GOLPH3: variants seen among roughly 807,000 people sequenced by gnomAD.
GOLPH3 encodes coat protein GPP34.
A neutral mutation model predicts 28.5 loss-of-function variants in GOLPH3; 14 were observed. The ratio of observed to expected loss-of-function variants is 0.49; its 90% CI spans 0.32 to 0.77. The LOEUF (loss-of-function observed/expected upper bound fraction) is 0.77, where lower values mean the gene tolerates loss of function less well. Among genes scored for constraint, GOLPH3 ranks in the 30% least tolerant of loss-of-function variants. The pLI is 0.03. For missense variants in GOLPH3, 350 were observed against 393.7 expected (o/e 0.89, Z 0.94); for synonymous variants, 158 against 159.2 (o/e 0.99, Z 0.06).
At chr5:32,135,523 G>C in intron 3 of GOLPH3, 49 bp downstream of exon 3, 3 of 1,132,036 alleles carry the variant, frequency 2.7e-6, no homozygotes, top group Non-Finnish European at 4.0e-6. Context: ...TTTAAACTTC[G>C]CAATCTTTTA....
At chr5:32,142,743 T>G in intron 2 of GOLPH3, among the ~76,000 whole-genome samples, 1 of 135,424 alleles carries the variant, frequency 7.4e-6, no homozygotes, top group East Asian at 2.3e-4. Flanking sequence ...GTCCGGGAGG[T>G]GAGGGGCGCC....
intron 2 of GOLPH3, among the ~76,000 whole-genome samples, chr5:32,142,986 A>G (rs1746112853): frequency 6.6e-6 from 1 of 152,170 alleles, no homozygotes; most frequent in Admixed American, 6.5e-5. Context: ...CATGATGACA[A>G]GGGCGGTTTT....
At chr5:32,160,793 C>A (rs1973195) in intron 1 of GOLPH3, among the ~76,000 whole-genome samples, 125,633 of 151,904 alleles carry the variant, frequency 0.83, 54,725 homozygotes, top group South Asian at 0.96. Context: ...ATGGGCCAGG[C>A]GCGGTGGCTC....
chr5:32,150,344 T>A (rs1284978972), intron 1 of GOLPH3, among the ~76,000 whole-genome samples: 2 of 150,064 alleles, frequency 1.3e-5, no homozygotes, highest in Non-Finnish European at 3.0e-5. Context: ...CTTCCTAAGT[T>A]AATAAATGTA....
At chr5:32,152,804 CA>C (rs371434993) in intron 1 of GOLPH3, among the ~76,000 whole-genome samples, 16 of 143,014 alleles carry the variant, frequency 1.1e-4, no homozygotes, top group African/African-American at 1.3e-4. Context: ...AAAACAAAAA[CA>C]AAAAAAAAAC....
chr5:32,135,536 C>T lies in GOLPH3; in HGVS notation c.472+36G>A, dbSNP rs373698680. The T allele has an allele frequency of 3.2e-6, 4 of 1,237,690 alleles. No individual in the cohort carries two copies. In the African/African-American group the frequency reaches 4.5e-5, roughly 14 times the overall value. The allele number at this position is 1,237,690 out of a possible 1,614,324, so 76.7% of individuals were successfully genotyped here. On this transcript the variant is annotated intron_variant, in intron 3 of 3. Transcript: ENST00000265070. Reference sequence around the variant, plus strand: ...GATTTAAACTTCGCAATCTTTTAAACAGAAGTTGGTTTTTGGTTTATTCAC... The same window carrying T: ...GATTTAAACTTCGCAATCTTTTAAATAGAAGTTGGTTTTTGGTTTATTCAC...
chr5:32,165,675 A>G (rs551367757), intron 1 of GOLPH3, among the ~76,000 whole-genome samples: 1 of 152,356 alleles, frequency 6.6e-6, no homozygotes, highest in Admixed American at 6.5e-5. Flanking sequence ...AAATGAATGA[A>G]CTTGAAGACA....
At chr5:32,141,162 C>CCT (rs1746052238) in intron 2 of GOLPH3, among the ~76,000 whole-genome samples, 1 of 116,192 alleles carries the variant, frequency 8.6e-6, no homozygotes, top group Non-Finnish European at 1.8e-5. Flanking sequence ...GACTCAGTCT[C>CCT]AAAAAAAAAA....
In GOLPH3 at chr5:32,142,688, G is replaced by A. The variant is rs540687099; in HGVS notation, c.357+1061C>T. Among the ~76,000 whole-genome samples, 217 of 147,780 alleles carry A rather than the reference G, an allele frequency of 1.5e-3. 3 individuals carry two copies. The highest frequency in any genetic ancestry group is 3.8e-3 in the South Asian group (18 of 4,704). On this transcript the variant is annotated intron_variant, in intron 2 of 3. Transcript: ENST00000265070. ...CCAAGCCCGGCCAGCCGCCCCGTCCGGGAGGGAGGTGGGGGGATCAGCCCC... is the reference window on the plus strand; with the variant it reads ...CCAAGCCCGGCCAGCCGCCCCGTCCAGGAGGGAGGTGGGGGGATCAGCCCC...
At chr5:32,158,132 T>TAAATAAATAAATAAAATAC (rs1308648161) in intron 1 of GOLPH3, among the ~76,000 whole-genome samples, 1 of 33,684 alleles carries the variant, frequency 3.0e-5, no homozygotes, top group African/African-American at 1.2e-4. Flanking sequence ...ATAAATAAAA[T>TAAATAAATAAATAAAATAC]ACACACACAC....
chr5:32,173,128 TA>T (rs750231461), intron 1 of GOLPH3, among the ~76,000 whole-genome samples: 17 of 152,100 alleles, frequency 1.1e-4, no homozygotes, highest in Non-Finnish European at 1.6e-4. Context: ...AGCCCTTTCT[TA>T]AGACGGCAAG....
chr5:32,161,066 C>CAAAA (rs34874287), intron 1 of GOLPH3, among the ~76,000 whole-genome samples: 10 of 60,048 alleles, frequency 1.7e-4, no homozygotes, highest in African/African-American at 8.0e-4. Context: ...GACTCCGTCT[C>CAAAA]AAAAAAAAAA....
At chr5:32,148,241 A>G (rs1746220983) in intron 1 of GOLPH3, among the ~76,000 whole-genome samples, 1 of 152,198 alleles carries the variant, frequency 6.6e-6, no homozygotes, top group Non-Finnish European at 1.5e-5. Flanking sequence ...TATTACTTCC[A>G]TCTTTGAAAG....
intron 1 of GOLPH3, among the ~76,000 whole-genome samples, chr5:32,144,732 A>G (rs1186384538): frequency 6.6e-6 from 1 of 152,228 alleles, no homozygotes; most frequent in African/African-American, 2.4e-5. Context: ...ATGTAAGGGC[A>G]GCATCCACAG....
Position 32,126,215 on chromosome 5 carries a change from C to T in GOLPH3, c.894G>A (p.Lys298=). 1.2e-6 allele frequency: 2 copies of T among 1,608,728 alleles called. No individual in the cohort carries two copies. The highest frequency in any genetic ancestry group is 1.1e-5 in the South Asian group (1 of 90,942). ...GAATGGTTCACCCCGAGCAGAGTTA[C>T]TTGGTGAACGCCGCCACCACCGCCC... is the stretch of plus-strand genomic sequence containing the variant. ...VLWAVVAAFT[K] is the part of the protein sequence containing the mutation. Residue 298 remains lysine, a synonymous_variant, in exon 4 of 4, where the codon AAG becomes AAA. Coordinates refer to ENST00000265070, the MANE Select transcript of GOLPH3 (RefSeq NM_022130.4).
chr5:32,152,113 T>C (rs538043986), intron 1 of GOLPH3, among the ~76,000 whole-genome samples: 183 of 152,140 alleles, frequency 1.2e-3, no homozygotes, highest in African/African-American at 4.3e-3. Context: ...CACTTGATGT[T>C]ATGCATATTT....
In GOLPH3 at chr5:32,160,796, G is replaced by A. The variant is rs149950468; in HGVS notation, c.225+13014C>T. On this transcript the variant is annotated intron_variant, in intron 1 of 3. Coordinates refer to ENST00000265070, the MANE Select transcript of GOLPH3 (RefSeq NM_022130.4). ...AAAAAAGTAATCATGGGCCAGGCGCGGTGGCTCACGCCTGTAATCCCAGCA... is the reference window on the plus strand; with the variant it reads ...AAAAAAGTAATCATGGGCCAGGCGCAGTGGCTCACGCCTGTAATCCCAGCA... Among the ~76,000 whole-genome samples, 458 of 152,274 alleles carry A rather than the reference G, an allele frequency of 3.0e-3. 2 individuals carry two copies. The highest frequency in any genetic ancestry group is 0.011 in the African/African-American group (443 of 41,576).
rs201369737 is a variant in GOLPH3 at position 32,143,706 on chromosome 5, G to A, written c.357+43C>T. Reference sequence around the variant, plus strand: ...CTAGTAAAAACATACATTTTAAGCAGTACAACCTCTTTAAAAAGAATGTTA... The same window carrying A: ...CTAGTAAAAACATACATTTTAAGCAATACAACCTCTTTAAAAAGAATGTTA... On this transcript the variant is annotated intron_variant, in intron 2 of 3. Coordinates refer to ENST00000265070, the MANE Select transcript of GOLPH3 (RefSeq NM_022130.4). 6.4e-5 allele frequency: 99 copies of A among 1,557,490 alleles called. 2 individuals carry two copies. The Middle Eastern group carries it at 1.5e-3, about 24-fold the overall frequency.
At chr5:32,151,683 A>C (rs1465344857) in intron 1 of GOLPH3, among the ~76,000 whole-genome samples, 5 of 152,222 alleles carry the variant, frequency 3.3e-5, no homozygotes, top group African/African-American at 1.2e-4. Flanking sequence ...CTAATTCAAA[A>C]AAAGGCAAAA....
Sources: gnomAD v4.1 joint callset for allele counts (sites outside exome capture counted in the v4.1 genomes callset) on GRCh38, gnomAD v4.1.1 for gene constraint, MANE v1.5 for transcripts, NCBI Gene and HGNC (gene_info 2026-07-23, HGNC 2026-07-21) for gene names.